The following ZC2HC1A variants were observed in gnomAD, a reference collection of about 807,000 sequenced individuals.
The protein encoded by ZC2HC1A is zinc finger C2HC-type containing 1A.
Under a neutral mutation model 40.7 loss-of-function variants are expected in ZC2HC1A, and 28 were observed. The ratio of observed to expected loss-of-function variants is 0.69; its 90% CI spans 0.51 to 0.94. The LOEUF (loss-of-function observed/expected upper bound fraction) is 0.94. ZC2HC1A is among the 40% of genes least tolerant of loss of function. The pLI is 0.00. For missense variants in ZC2HC1A, 389 were observed against 386.3 expected (o/e 1.01, Z -0.06); for synonymous variants, 129 against 129.2 (o/e 1.00, Z 0.01).
intron 5 of ZC2HC1A, 123 bp downstream of exon 5, chr8:78,689,496 T>A (rs1463746449): frequency 1.2e-6 from 1 of 823,154 alleles, no homozygotes; most frequent in Non-Finnish European, 1.7e-6. Context: ...AGATATATAG[T>A]TTTATATATC....
intron 7 of ZC2HC1A, among the ~76,000 whole-genome samples, chr8:78,707,687 G>T (rs979154813): frequency 6.6e-6 from 1 of 152,050 alleles, no homozygotes. Flanking sequence ...TGTCCATTCT[G>T]TATAAGATCC....
intron 3 of ZC2HC1A, among the ~76,000 whole-genome samples, chr8:78,682,910 A>G (rs1809834706): frequency 1.3e-5 from 2 of 152,208 alleles, no homozygotes; most frequent in African/African-American, 4.8e-5. Context: ...GGCCAAAACA[A>G]AGGGGCCACA....
At chr8:78,692,157 CT>C (rs966536410) in intron 5 of ZC2HC1A, among the ~76,000 whole-genome samples, 3 of 152,118 alleles carry the variant, frequency 2.0e-5, no homozygotes, top group Non-Finnish European at 4.4e-5. Flanking sequence ...AAACTTACCC[CT>C]TTGACCATCA....
chr8:78,711,861 G>C (rs945200990), intron 7 of ZC2HC1A: 13 of 449,470 alleles, frequency 2.9e-5, no homozygotes, highest in Non-Finnish European at 5.0e-5. Flanking sequence ...TTCTTACCTT[G>C]ACAGTCAGAT....
In ZC2HC1A at chr8:78,717,357, A is replaced by G; in HGVS notation, c.842A>G (p.Asn281Ser). Residue 281 changes from asparagine to serine, a missense_variant, in exon 9 of 9, where the codon AAT (asparagine) becomes AGT (serine). Transcript: ENST00000263849. ...RPDGDCASSLNGGNIKGIEGH... is the reference protein window; with the variant it reads ...RPDGDCASSLSGGNIKGIEGH... Reference sequence around the variant, plus strand: ...GATGGGGACTGTGCATCTTCCCTTAATGGTGGAAATATTAAAGGCATTGAA... The same window carrying G: ...GATGGGGACTGTGCATCTTCCCTTAGTGGTGGAAATATTAAAGGCATTGAA... 1 of 1,611,498 alleles carries G rather than the reference A, an allele frequency of 6.2e-7. No individual in the cohort carries two copies. The highest frequency in any genetic ancestry group is 8.5e-7 in the Non-Finnish European group (1 of 1,179,306).
At chr8:78,699,372 T>C (rs1810527482) in intron 7 of ZC2HC1A, among the ~76,000 whole-genome samples, 1 of 152,176 alleles carries the variant, frequency 6.6e-6, no homozygotes, top group South Asian at 2.1e-4. Flanking sequence ...AATTAAGGGA[T>C]TACCACAGGA....
At chr8:78,706,009 G>T (rs770691470) in intron 7 of ZC2HC1A, among the ~76,000 whole-genome samples, 4 of 152,162 alleles carry the variant, frequency 2.6e-5, no homozygotes, top group Non-Finnish European at 5.9e-5. Flanking sequence ...TTGGGAACCT[G>T]CTTAACCAGC....
At chr8:78,687,768 C>A in intron 4 of ZC2HC1A, among the ~76,000 whole-genome samples, 1 of 56,998 alleles carries the variant, frequency 1.8e-5, no homozygotes, top group Non-Finnish European at 3.6e-5. Flanking sequence ...TTACGTAAGA[C>A]ATTATATATA....
chr8:78,674,526 G>T (rs1305232735), intron 1 of ZC2HC1A, among the ~76,000 whole-genome samples: 1 of 152,070 alleles, frequency 6.6e-6, no homozygotes, highest in African/African-American at 2.4e-5. Flanking sequence ...AAATGAGATT[G>T]CCCTCCCTAA....
intron 7 of ZC2HC1A, among the ~76,000 whole-genome samples, chr8:78,699,595 T>A (rs1810536315): frequency 6.6e-6 from 1 of 152,130 alleles, no homozygotes; most frequent in Admixed American, 6.5e-5. Context: ...CATCAGTTAT[T>A]TTTCCTGATT....
chr8:78,687,225 A>G (rs552737687), intron 4 of ZC2HC1A, among the ~76,000 whole-genome samples: 2 of 152,098 alleles, frequency 1.3e-5, no homozygotes, highest in Non-Finnish European at 1.5e-5. Context: ...TTATTAGAGC[A>G]GCCTAAAGAG....
Position 78,678,702 on chromosome 8 carries a change from A to G in ZC2HC1A, c.210+23A>G, listed in dbSNP as rs775906126. 1.0e-5 allele frequency: 16 copies of G among 1,536,000 alleles called. No individual in the cohort carries two copies. In the South Asian group the frequency reaches 2.0e-4, roughly 19 times the overall value. ...AGGGTAACTATATAACCTTTTGAAC[A>G]GTATGAACTTTGGTGTTATGTATGT... On this transcript the variant is annotated intron_variant, in intron 3 of 8. Transcript: ENST00000263849.
intron 7 of ZC2HC1A, among the ~76,000 whole-genome samples, chr8:78,705,377 T>G (rs998079068): frequency 6.6e-6 from 1 of 152,194 alleles, no homozygotes; most frequent in Non-Finnish European, 1.5e-5. Flanking sequence ...CTAGTCACCT[T>G]GGATTTTTCA....
chr8:78,687,680 TTA>T (rs1185403261), intron 4 of ZC2HC1A, among the ~76,000 whole-genome samples: 1 of 116,942 alleles, frequency 8.6e-6, no homozygotes, highest in South Asian at 2.7e-4. Flanking sequence ...ACGTAATACA[TTA>T]TATATATTTA....
chr8:78,693,964 T>TC (rs1263616512), intron 5 of ZC2HC1A, among the ~76,000 whole-genome samples: 1 of 152,186 alleles, frequency 6.6e-6, no homozygotes, highest in Non-Finnish European at 1.5e-5. Flanking sequence ...TAGCCAGTTT[T>TC]CCCAGCACCA....
intron 3 of ZC2HC1A, among the ~76,000 whole-genome samples, chr8:78,680,039 GTAT>G (rs1289377139): frequency 6.6e-6 from 1 of 151,960 alleles, no homozygotes; most frequent in Non-Finnish European, 1.5e-5. Context: ...GCTACATACC[GTAT>G]TATTCTGGGC....
Position 78,718,087 on chromosome 8 carries a change from TCTTA to T in ZC2HC1A, c.*598_*601del, listed in dbSNP as rs1243410620. Reference sequence around the variant, plus strand: ...CTCTATTAGTTACGTAATTTAAACATCTTACTTGTTTTGTAAAAGTGTAATTATG... The same window carrying T: ...CTCTATTAGTTACGTAATTTAAACATCTTGTTTTGTAAAAGTGTAATTATG... On this transcript the variant is annotated 3_prime_UTR_variant, in exon 9 of 9. Coordinates refer to ENST00000263849, the MANE Select transcript of ZC2HC1A (RefSeq NM_016010.3). 1 of 152,070 alleles carries T rather than the reference TCTTA, an allele frequency of 6.6e-6. No homozygotes were observed. The highest frequency in any genetic ancestry group is 2.1e-4 in the South Asian group (1 of 4,832). 9.4% of individuals were successfully genotyped at this position (152,070 alleles called of 1,614,324 possible).
At position 78,697,287 on chromosome 8, in the gene ZC2HC1A, A is replaced by G. The variant is rs903756187; in HGVS notation, c.505-120A>G. The stretch of plus-strand genomic sequence containing the variant: ...ACCATCATCACCATTCATTTCCACA[A>G]CTCTTTTCATCTTGTAAGGCTGAAA... On this transcript the variant is annotated intron_variant, in intron 5 of 8. Transcript: ENST00000263849. 5.2e-6 allele frequency: 4 copies of G among 764,476 alleles called. No individual in the cohort carries two copies. The African/African-American group carries it at 5.3e-5, about 10-fold the overall frequency. 47.4% of individuals were successfully genotyped at this position (764,476 alleles called of 1,614,324 possible).
rs1554595450 is a variant in ZC2HC1A, at chr8:78,717,499, A to G, written c.*6A>G. On this transcript the variant is annotated 3_prime_UTR_variant, in exon 9 of 9. Transcript: ENST00000263849. ...TTCGAAGAATGATTCTATGAATAGA[A>G]TCTCAAAAAAAAAAAAAAGCCAAGT... The G allele has an allele frequency of 2.8e-6, 4 of 1,444,506 alleles. No homozygotes were observed. The highest frequency in any genetic ancestry group is 3.6e-6 in the Non-Finnish European group (4 of 1,101,130). The allele number at this position is 1,444,506 out of a possible 1,614,324, so 89.5% of individuals were successfully genotyped here.
Sources: gnomAD v4.1 joint callset for allele counts (sites outside exome capture counted in the v4.1 genomes callset) on GRCh38, gnomAD v4.1.1 for gene constraint, MANE v1.5 for transcripts, NCBI Gene and HGNC (gene_info 2026-07-23, HGNC 2026-07-21) for gene names.